NLRP5: variants seen among roughly 807,000 people sequenced by gnomAD.
NLRP5 encodes the protein NLR family pyrin domain containing 5.
In NLRP5, 93 loss-of-function variants were observed where a neutral mutation model predicts 113.1. That is an observed-to-expected ratio of 0.82 (90% CI 0.70 to 0.98). NLRP5 has a LOEUF of 0.98. NLRP5 is among the 50% of genes least tolerant of loss of function. The probability of loss-of-function intolerance (pLI) is 0.00; values close to 1 mark genes in which losing one functional copy is unlikely to be tolerated. For missense variants in NLRP5, 1,808 were observed against 1,514.3 expected, an observed-to-expected ratio of 1.19 and a Z score of -3.22; for synonymous variants, 751 against 600.7, an observed-to-expected ratio of 1.25 and a Z score of -3.66.
chr19:56,008,855 T>C lies in NLRP5; in HGVS notation c.508+2T>C. The C allele has an allele frequency of 6.2e-7, 1 of 1,611,436 alleles. No individual in the cohort carries two copies. Among genetic ancestry groups the C allele is most frequent in the Non-Finnish European group, 8.5e-7 (1 of 1,178,750 alleles). On this transcript the variant is annotated splice_donor_variant, in intron 3 of 14. Coordinates refer to ENST00000390649, the MANE Select transcript of NLRP5 (RefSeq NM_153447.4). LOFTEE classifies it high-confidence loss of function. ...GACCAAGCAAGGAAAAAGTGCCAGG[T>C]TAGAGGGGTGGAGTTGGGGGAAATA...
chr19:56,007,064 A>G (rs1024650900), intron 2 of NLRP5, among the ~76,000 whole-genome samples: 4 of 151,254 alleles, frequency 2.6e-5, no homozygotes, highest in Admixed American at 2.0e-4. Flanking sequence ...TAAAAATTGT[A>G]TATAAAAATG....
In NLRP5 at chr19:56,027,503, C is replaced by T. The variant is rs760459203; in HGVS notation, c.1270C>T (p.Pro424Ser). The change falls in exon 7 of 15, where the codon CCC (proline) becomes TCC (serine). Residue 424 changes from proline to serine, a missense_variant. Pro to Ser is a moderately conservative substitution (Grantham distance 74). Coordinates refer to ENST00000390649, the MANE Select transcript of NLRP5 (RefSeq NM_153447.4). ...GAAGCTCAAGTCAGAGGTCGTGTCT[C>T]CCCGTTACCTGTTAGTTAGAGGAAT... is the stretch of plus-strand genomic sequence containing the variant. 2 of 1,613,920 alleles carry T rather than the reference C, an allele frequency of 1.2e-6. No individual in the cohort carries two copies. The highest frequency in any genetic ancestry group is 2.2e-5 in the South Asian group (2 of 91,064).
At position 56,028,086 on chromosome 19, in the gene NLRP5, C is replaced by T. The variant is rs771802955; in HGVS notation, c.1853C>T (p.Ser618Phe). Reference sequence around the variant, plus strand: ...CTGTACGTTGAGAAGACAAAGAGGTCCATGGAGCTTAAACAGGCAGGCTTC... The same window carrying T: ...CTGTACGTTGAGAAGACAAAGAGGTTCATGGAGCTTAAACAGGCAGGCTTC... Residue 618 changes from serine to phenylalanine, a missense_variant, in exon 7 of 15, where the codon TCC becomes TTC. Transcript: ENST00000390649. 6.2e-7 allele frequency: 1 copy of T among 1,613,978 alleles called. No individual in the cohort carries two copies. The highest frequency in any genetic ancestry group is 8.5e-7 in the Non-Finnish European group (1 of 1,179,900).
chr19:56,015,758 G>A lies in NLRP5; in HGVS notation c.525G>A (p.Val175=). Residue 175 remains valine (V), a synonymous_variant, in exon 4 of 15, where the codon GTG becomes GTA. Transcript: ENST00000390649. Reference sequence around the variant, plus strand: ...CTTTTGCAGGAATTTCACAAGCTGTGCAACAAGATAGTGCCACAGCTGCAG... The same window carrying A: ...CTTTTGCAGGAATTTCACAAGCTGTACAACAAGATAGTGCCACAGCTGCAG... The A allele has an allele frequency of 6.4e-7, 1 of 1,571,846 alleles. No individual in the cohort carries two copies. Among genetic ancestry groups the A allele is most frequent in the Non-Finnish European group, 8.6e-7 (1 of 1,156,824 alleles).
chr19:56,002,047 A>G (rs1163577637), intron 1 of NLRP5, among the ~76,000 whole-genome samples: 2 of 152,196 alleles, frequency 1.3e-5, no homozygotes, highest in Non-Finnish European at 2.9e-5. Context: ...TTTCAATGTC[A>G]TCATAGACCA....
At chr19:56,046,527 A>G (rs558655230) in intron 11 of NLRP5, among the ~76,000 whole-genome samples, 4 of 150,260 alleles carry the variant, frequency 2.7e-5, no homozygotes, top group Non-Finnish European at 4.4e-5. Context: ...TAGTGTCGAA[A>G]GGATTGGTAC....
In NLRP5 at chr19:56,027,127, G is replaced by T; in HGVS notation, c.894G>T (p.Arg298Ser). ...TTGGGAAATCGGCTCTAGCCAGAAG[G>T]ATCGTGCTGTGCTGGGCGCAAGGTG... The change falls in exon 7 of 15, where the codon AGG (arginine) becomes AGT (serine). Residue 298 changes from arginine (R) to serine (S), a missense_variant. By Grantham distance (110) the Arg-to-Ser change is moderately radical. Transcript: ENST00000390649. 2 of 1,592,950 alleles carry T rather than the reference G, an allele frequency of 1.3e-6. No individual in the cohort carries two copies. Among genetic ancestry groups the T allele is most frequent in the Non-Finnish European group, 1.7e-6 (2 of 1,169,856 alleles).
rs533744482 is a variant in NLRP5, at chr19:56,028,890, G to A, written c.2276+381G>A. 3.9e-5 allele frequency among the ~76,000 whole-genome samples: 6 copies of A among 152,224 alleles called. No homozygotes were observed. In the East Asian group the frequency reaches 9.7e-4, roughly 25 times the overall value. ...AGAGATTCTCCTGCCTCAGGCTGCC[G>A]AGGAGCTGGGACTACAGGCATGCAC... On this transcript the variant is annotated intron_variant, in intron 7 of 14. Coordinates refer to ENST00000390649, the MANE Select transcript of NLRP5 (RefSeq NM_153447.4).
chr19:56,048,372 C>T (rs1983803604), intron 11 of NLRP5, among the ~76,000 whole-genome samples: 1 of 152,014 alleles, frequency 6.6e-6, no homozygotes, highest in Non-Finnish European at 1.5e-5. Flanking sequence ...GATGTGTTTC[C>T]AGGATTTGTT....
At position 56,027,945 on chromosome 19, in the gene NLRP5, T is replaced by C; in HGVS notation, c.1712T>C (p.Leu571Pro). ...GCTCTGTTTCACATGAACATCCTTC[T>C]CCCAGACAGCCACTGTGAGGAGTAC... is the stretch of plus-strand genomic sequence containing the variant. Residue 571 changes from leucine to proline, a missense_variant, in exon 7 of 15, where the codon CTC becomes CCC. Physicochemically the swap from Leu to Pro is moderately conservative, Grantham distance 98 (BLOSUM62 -3). Transcript: ENST00000390649. 3 of 1,613,864 alleles carry C rather than the reference T, an allele frequency of 1.9e-6. No individual in the cohort carries two copies. The highest frequency in any genetic ancestry group is 2.5e-6 in the Non-Finnish European group (3 of 1,179,832).
chr19:56,044,924 C>T (rs1983667235), intron 11 of NLRP5, among the ~76,000 whole-genome samples: 1 of 152,108 alleles, frequency 6.6e-6, no homozygotes. Flanking sequence ...TCTTTTACCT[C>T]CTTGGTTAGG....
chr19:56,045,637 G>A (rs568274394), intron 11 of NLRP5, among the ~76,000 whole-genome samples: 1 of 152,202 alleles, frequency 6.6e-6, no homozygotes, highest in Admixed American at 6.5e-5. Flanking sequence ...TCCCACCTAT[G>A]AGTTGAGAAC....
intron 3 of NLRP5, among the ~76,000 whole-genome samples, chr19:56,010,742 C>CCCAAAAAAAAAAAAA (rs1555764914): frequency 4.8e-5 from 2 of 41,278 alleles, no homozygotes; most frequent in African/African-American, 2.1e-4. Flanking sequence ...AACTCTGTCT[C>CCCAAAAAAAAAAAAA]AAAAAAAAAA....
upstream of NLRP5, among the ~76,000 whole-genome samples, chr19:55,998,706 GTGTGTGTGTATATATATATATATGTGTA>G (rs1981454970): frequency 3.2e-5 from 1 of 31,322 alleles, no homozygotes. Flanking sequence ...ATATATATGT[GTGTGTGTGTATATATATATATATGTGTA>G]TATATATATA....
intron 12 of NLRP5, among the ~76,000 whole-genome samples, chr19:56,052,236 G>GTT (rs1314948999): frequency 1.5e-5 from 2 of 133,350 alleles, no homozygotes; most frequent in African/African-American, 2.7e-5. Context: ...TTTTGGTGGG[G>GTT]TTTTGTTTTG....
intron 10 of NLRP5, 106 bp downstream of exon 10, chr19:56,038,301 C>G: frequency 7.9e-7 from 1 of 1,270,158 alleles, no homozygotes; most frequent in Non-Finnish European, 1.1e-6. Flanking sequence ...GATGTACAAA[C>G]CAGGGGTGAG....
At chr19:55,990,094 T>C in the NLRP5 span, among the ~76,000 whole-genome samples, 3,201 of 137,748 alleles carry the variant, frequency 0.023, 124 homozygotes, top group African/African-American at 0.082. Flanking sequence ...TTTTTTTTTT[T>C]TTTTTTTTTT....
intron 14 of NLRP5, among the ~76,000 whole-genome samples, chr19:56,059,437 G>A (rs573002441): frequency 6.6e-6 from 1 of 152,308 alleles, no homozygotes; most frequent in African/African-American, 2.4e-5. Flanking sequence ...GAGCATGAAG[G>A]AACACAGTTG....
intron 11 of NLRP5, among the ~76,000 whole-genome samples, chr19:56,043,847 G>T (rs909183018): frequency 1.3e-5 from 2 of 151,010 alleles, no homozygotes; most frequent in Non-Finnish European, 3.0e-5. Context: ...AAAGTGCTGG[G>T]ATTACAGGCG....
Sources: allele counts gnomAD v4.1 joint callset (sites outside exome capture counted in the v4.1 genomes callset), GRCh38; gene constraint gnomAD v4.1.1; transcripts MANE v1.5; gene names NCBI Gene and HGNC (gene_info 2026-07-23, HGNC 2026-07-21).